The following BCKDHB variants were observed in gnomAD, a reference collection of about 807,000 sequenced individuals.
BCKDHB encodes branched chain keto acid dehydrogenase E1 subunit beta.
A neutral mutation model predicts 48.5 loss-of-function variants in BCKDHB; 41 were observed. The observed-to-expected ratio is 0.85, with a 90% CI of 0.66 to 1.10. The LOEUF is 1.10. Ranked by LOEUF, BCKDHB falls within the 50% of genes least tolerant of loss-of-function variation. The probability of loss-of-function intolerance (pLI) is 0.00; values close to 1 mark genes in which losing one functional copy is unlikely to be tolerated. For synonymous variants in BCKDHB, 201 were observed against 174.8 expected (o/e 1.15, Z -1.18); for missense variants, 496 against 494.2 (o/e 1.00, Z -0.03).
intron 9 of BCKDHB, among the ~76,000 whole-genome samples, chr6:80,285,761 T>C (rs3805893): frequency 0.075 from 11,490 of 152,234 alleles, 620 homozygotes; most frequent in South Asian, 0.24. Flanking sequence ...TAGACTAAAA[T>C]AGAAGTATCC....
At chr6:80,199,765 C>CT (rs2127820847) in intron 6 of BCKDHB, among the ~76,000 whole-genome samples, 1 of 92,426 alleles carries the variant, frequency 1.1e-5, no homozygotes, top group South Asian at 5.1e-4. Context: ...GAGTGAGACT[C>CT]TGTCTCAAAA....
intron 3 of BCKDHB, among the ~76,000 whole-genome samples, chr6:80,153,534 A>G (rs1771894491): frequency 6.6e-6 from 1 of 152,180 alleles, no homozygotes; most frequent in Non-Finnish European, 1.5e-5. Flanking sequence ...CAACGTCCTC[A>G]GTACTTCTCA....
At chr6:80,392,962 TTTA>T in the BCKDHB span, among the ~76,000 whole-genome samples, 4 of 151,676 alleles carry the variant, frequency 2.6e-5, no homozygotes, top group Admixed American at 6.6e-5. Flanking sequence ...ATAATTTTGA[TTTA>T]TTATTATGCT....
intron 8 of BCKDHB, among the ~76,000 whole-genome samples, chr6:80,266,383 A>G (rs1191756159): frequency 6.6e-6 from 1 of 152,136 alleles, no homozygotes; most frequent in Non-Finnish European, 1.5e-5. Context: ...GCTTTGTTTG[A>G]TGTTTAAGCT....
chr6:80,162,496 G>A (rs1366628318), intron 3 of BCKDHB, among the ~76,000 whole-genome samples: 3 of 152,038 alleles, frequency 2.0e-5, no homozygotes. Context: ...AATAATCAGT[G>A]TTCTCTTCTC....
At chr6:80,220,353 A>T (rs1241706313) in intron 8 of BCKDHB, among the ~76,000 whole-genome samples, 3 of 38,224 alleles carry the variant, frequency 7.8e-5, no homozygotes, top group Non-Finnish European at 1.8e-4. Context: ...TTACGGGTAT[A>T]TACATTTTTT....
chr6:80,391,177 A>ATATGTG, the BCKDHB span, among the ~76,000 whole-genome samples: 735 of 149,218 alleles, frequency 4.9e-3, 5 homozygotes, highest in African/African-American at 0.017. Flanking sequence ...GCATATATAT[A>ATATGTG]TGTGTGTGTG....
chr6:80,404,363 A>T, the BCKDHB span, among the ~76,000 whole-genome samples: 1 of 151,906 alleles, frequency 6.6e-6, no homozygotes, highest in Admixed American at 6.6e-5. Context: ...TTTTTGATGT[A>T]TAATTATAAT....
chr6:80,295,976 C>G (rs1767220379), intron 9 of BCKDHB, among the ~76,000 whole-genome samples: 1 of 152,154 alleles, frequency 6.6e-6, no homozygotes, highest in African/African-American at 2.4e-5. Flanking sequence ...TTGTTAAAAG[C>G]TATTAATACC....
chr6:80,194,780 T>C (rs978497077), intron 6 of BCKDHB, among the ~76,000 whole-genome samples: 1 of 152,248 alleles, frequency 6.6e-6, no homozygotes, highest in Non-Finnish European at 1.5e-5. Flanking sequence ...GCTTTTAGCC[T>C]TTGTGCAGCT....
intron 6 of BCKDHB, among the ~76,000 whole-genome samples, chr6:80,192,584 A>G (rs969211708): frequency 6.6e-6 from 1 of 152,182 alleles, no homozygotes; most frequent in African/African-American, 2.4e-5. Context: ...ACAAACAAAC[A>G]AAAAACCCTA....
At chr6:80,281,817 C>G (rs372205641) in intron 9 of BCKDHB, among the ~76,000 whole-genome samples, 1 of 151,670 alleles carries the variant, frequency 6.6e-6, no homozygotes, top group African/African-American at 2.4e-5. Flanking sequence ...TCTATCAAAC[C>G]TGACCTCTTT....
chr6:80,148,699 G>A (rs561677940), intron 3 of BCKDHB, among the ~76,000 whole-genome samples: 1 of 152,072 alleles, frequency 6.6e-6, no homozygotes. Flanking sequence ...TAATAGTAAA[G>A]TCCAAATAAG....
the BCKDHB span, among the ~76,000 whole-genome samples, chr6:80,388,654 C>T: frequency 3.3e-5 from 5 of 152,270 alleles, no homozygotes; most frequent in East Asian, 7.7e-4. Context: ...GCTCAAATGC[C>T]CATGATCTCT....
intron 8 of BCKDHB, among the ~76,000 whole-genome samples, chr6:80,209,973 G>A (rs1774841167): frequency 6.6e-6 from 1 of 151,864 alleles, no homozygotes; most frequent in Non-Finnish European, 1.5e-5. Flanking sequence ...TCTTGAAAAG[G>A]TACACTAAGT....
At chr6:80,444,206 A>G in the BCKDHB span, among the ~76,000 whole-genome samples, 7,665 of 152,078 alleles carry the variant, frequency 0.05, 588 homozygotes, top group African/African-American at 0.16. Context: ...TTGTATGCCA[A>G]GATTTAAAAA....
At chr6:80,364,156 G>A in the BCKDHB span, among the ~76,000 whole-genome samples, 1 of 152,124 alleles carries the variant, frequency 6.6e-6, no homozygotes. Context: ...TGAATCATGT[G>A]CAATAAGATT....
At chr6:80,106,916 C>T (rs1014537441) in intron 1 of BCKDHB, 27 bp downstream of exon 1, 2 of 1,579,572 alleles carry the variant, frequency 1.3e-6, no homozygotes, top group Non-Finnish European at 1.7e-6. Flanking sequence ...CCCACTCGGT[C>T]CCGCTGCAGC....
At chr6:80,396,508 A>C in the BCKDHB span, among the ~76,000 whole-genome samples, 1 of 152,140 alleles carries the variant, frequency 6.6e-6, no homozygotes, top group South Asian at 2.1e-4. Context: ...TTGTGTTTTG[A>C]AATGTGAGAA....
Sources: gnomAD v4.1 joint callset for allele counts (sites outside exome capture counted in the v4.1 genomes callset) on GRCh38, gnomAD v4.1.1 for gene constraint, MANE v1.5 for transcripts, NCBI Gene and HGNC (gene_info 2026-07-23, HGNC 2026-07-21) for gene names.